The following TRPS1 variants were observed in gnomAD, a reference collection of about 807,000 sequenced individuals.
TRPS1 encodes the protein transcriptional repressor GATA binding 1.
TRPS1 carries 6 observed loss-of-function variants against 101.2 expected under a neutral mutation model. That is an observed-to-expected ratio of 0.06 (90% CI 0.03 to 0.12). The LOEUF (loss-of-function observed/expected upper bound fraction) is 0.12, where lower values mean the gene tolerates loss of function less well. Among genes scored for constraint, TRPS1 ranks in the 10% least tolerant of loss-of-function variants. TRPS1 has a pLI of 1.00. For synonymous variants in TRPS1, 578 were observed against 589.8 expected, an observed-to-expected ratio of 0.98 and a Z score of 0.29; for missense variants, 1,363 against 1,567.0, an observed-to-expected ratio of 0.87 and a Z score of 2.20.
chr8:115,464,835 T>C (rs1043855149), intron 5 of TRPS1, among the ~76,000 whole-genome samples: 2 of 152,106 alleles, frequency 1.3e-5, no homozygotes, highest in Non-Finnish European at 2.9e-5. Flanking sequence ...TTAAGATTTA[T>C]TTAAACTAGG....
intron 5 of TRPS1, chr8:115,515,132 T>C (rs1456419158): frequency 1.1e-5 from 7 of 642,630 alleles, no homozygotes; most frequent in East Asian, 2.7e-5. Context: ...GGGAGAATGA[T>C]AGCTAGAAGA....
In TRPS1 at chr8:115,594,709, A is replaced by G. The variant is rs1055627159; in HGVS notation, c.2097-7105T>C. Among the ~76,000 whole-genome samples, 5 of 152,068 alleles carry G rather than the reference A, an allele frequency of 3.3e-5. No individual in the cohort carries two copies. In the East Asian group the frequency reaches 9.6e-4, roughly 29 times the overall value. On this transcript the variant is annotated intron_variant, in intron 4 of 6. Coordinates refer to ENST00000395715, the MANE Select transcript of TRPS1 (RefSeq NM_014112.5). Reference sequence around the variant, plus strand: ...CATGTTTCAATGCACAATAGTCTTTATTCACAATAGTAGTATTTCATTCAT... The same window carrying G: ...CATGTTTCAATGCACAATAGTCTTTGTTCACAATAGTAGTATTTCATTCAT...
chr8:115,572,121 G>T (rs1199309507), intron 5 of TRPS1, among the ~76,000 whole-genome samples: 2 of 152,136 alleles, frequency 1.3e-5, no homozygotes, highest in African/African-American at 4.8e-5. Context: ...CTTAAAGCAT[G>T]CATGTCTTTG....
intron 5 of TRPS1, among the ~76,000 whole-genome samples, chr8:115,571,908 C>T (rs955391327): frequency 6.6e-5 from 10 of 151,852 alleles, no homozygotes; most frequent in South Asian, 2.1e-4. Flanking sequence ...AGTAGTAGGG[C>T]TATTTTTTAT....
intron 5 of TRPS1, among the ~76,000 whole-genome samples, chr8:115,539,201 C>A (rs551877240): frequency 2.6e-5 from 4 of 152,232 alleles, no homozygotes; most frequent in African/African-American, 9.6e-5. Flanking sequence ...GTGCAGGAGA[C>A]CTATCAGTAA....
At chr8:115,450,941 T>C (rs1265819182) in intron 5 of TRPS1, among the ~76,000 whole-genome samples, 1 of 140,518 alleles carries the variant, frequency 7.1e-6, no homozygotes, top group Admixed American at 7.0e-5. Context: ...AGAATTCTGA[T>C]GACATATTAC....
chr8:115,668,184 C>A, intron 1 of TRPS1: 1 of 530,128 alleles, frequency 1.9e-6, no homozygotes, highest in East Asian at 3.3e-5. Flanking sequence ...TTCCAAAGCT[C>A]AGATGCCTCA....
At chr8:115,543,105 TA>T (rs1053902831) in intron 5 of TRPS1, among the ~76,000 whole-genome samples, 10 of 148,444 alleles carry the variant, frequency 6.7e-5, no homozygotes, top group East Asian at 2.0e-4. Flanking sequence ...GACAGACGGG[TA>T]AAAAAAAAAG....
intron 5 of TRPS1, among the ~76,000 whole-genome samples, chr8:115,562,791 G>A (rs997135121): frequency 1.3e-5 from 2 of 151,788 alleles, no homozygotes; most frequent in Non-Finnish European, 2.9e-5. Flanking sequence ...TCAAAGGAGA[G>A]ATGGCACATA....
chr8:115,486,574 G>T (rs1399372004), intron 5 of TRPS1, among the ~76,000 whole-genome samples: 2 of 152,212 alleles, frequency 1.3e-5, no homozygotes, highest in African/African-American at 4.8e-5. Flanking sequence ...GTTCTTGAAA[G>T]AAATTAAAAG....
chr8:115,471,694 A>C (rs1468133056), intron 5 of TRPS1, among the ~76,000 whole-genome samples: 5 of 152,216 alleles, frequency 3.3e-5, no homozygotes, highest in African/African-American at 4.8e-5. Context: ...AGCCTGTAAA[A>C]TCAAAAGCAA....
chr8:115,562,055 G>A (rs541189401), intron 5 of TRPS1, among the ~76,000 whole-genome samples: 7 of 152,176 alleles, frequency 4.6e-5, no homozygotes, highest in African/African-American at 1.7e-4. Flanking sequence ...AATACATCAA[G>A]ACGATAGCAG....
chr8:115,455,775 C>CTTTCT (rs1554622479), intron 5 of TRPS1, among the ~76,000 whole-genome samples: 237 of 119,964 alleles, frequency 2.0e-3, no homozygotes, highest in East Asian at 3.4e-3. Context: ...TTCTTTCTTT[C>CTTTCT]TTTTTTTTTT....
chr8:115,440,783 C>T (rs1813574130), intron 5 of TRPS1, among the ~76,000 whole-genome samples: 1 of 152,204 alleles, frequency 6.6e-6, no homozygotes, highest in South Asian at 2.1e-4. Context: ...CTGACATTAT[C>T]AAACCACAAT....
chr8:115,628,194 C>G (rs1042780405), intron 1 of TRPS1, among the ~76,000 whole-genome samples: 1 of 151,804 alleles, frequency 6.6e-6, no homozygotes, highest in African/African-American at 2.4e-5. Context: ...CACTCCTACT[C>G]TACCACAGGG....
chr8:115,654,321 G>A (rs1335943295), intron 1 of TRPS1, among the ~76,000 whole-genome samples: 1 of 152,110 alleles, frequency 6.6e-6, no homozygotes, highest in Non-Finnish European at 1.5e-5. Context: ...TCATTCAAAA[G>A]ACAGGATTCA....
intron 5 of TRPS1, among the ~76,000 whole-genome samples, chr8:115,439,945 G>A (rs1388649726): frequency 1.3e-5 from 2 of 152,000 alleles, no homozygotes; most frequent in Non-Finnish European, 2.9e-5. Flanking sequence ...TTGTGTTATG[G>A]GCTGCACTTT....
intron 5 of TRPS1, among the ~76,000 whole-genome samples, chr8:115,524,867 A>G (rs1815956802): frequency 6.6e-6 from 1 of 152,200 alleles, no homozygotes; most frequent in South Asian, 2.1e-4. Context: ...ACCAGTGATC[A>G]AAGTTGCTTA....
At chr8:115,600,096 G>A (rs1300373142) in intron 4 of TRPS1, among the ~76,000 whole-genome samples, 1 of 152,174 alleles carries the variant, frequency 6.6e-6, no homozygotes, top group African/African-American at 2.4e-5. Flanking sequence ...CAGTGGTGAT[G>A]AGCTTTTCTC....
Sources: allele counts gnomAD v4.1 joint callset (sites outside exome capture counted in the v4.1 genomes callset), GRCh38; gene constraint gnomAD v4.1.1; transcripts MANE v1.5; gene names NCBI Gene and HGNC (gene_info 2026-07-23, HGNC 2026-07-21).